Variants in KCNH5 observed in about 807,000 individuals in gnomAD.
KCNH5 encodes the protein potassium voltage-gated channel subfamily H member 5.
A neutral mutation model predicts 96.1 loss-of-function variants in KCNH5; 46 were observed. The observed-to-expected ratio is 0.48, with a 90% CI of 0.38 to 0.61. KCNH5 has a LOEUF of 0.61. Ranked by LOEUF, KCNH5 falls within the 20% of genes least tolerant of loss-of-function variation. The pLI is 0.00. For synonymous variants in KCNH5, 439 were observed against 449.8 expected, an observed-to-expected ratio of 0.98 and a Z score of 0.30; for missense variants, 907 against 1,225.8, an observed-to-expected ratio of 0.74 and a Z score of 3.88.
chr14:63,033,022 G>C (rs1950987), intron 1 of KCNH5, among the ~76,000 whole-genome samples: 2 of 151,700 alleles, frequency 1.3e-5, no homozygotes, highest in Non-Finnish European at 2.9e-5. Flanking sequence ...TCCTAATAAT[G>C]CTACCAACAA....
intron 7 of KCNH5, among the ~76,000 whole-genome samples, chr14:62,853,481 C>CATATATATATATATATATATATATG (rs1306077655): frequency 2.4e-5 from 1 of 41,314 alleles, no homozygotes; most frequent in Non-Finnish European, 4.7e-5. Flanking sequence ...ATATATATAT[C>CATATATATATATATATATATATATG]ATATATATAT....
intron 6 of KCNH5, among the ~76,000 whole-genome samples, chr14:62,963,402 T>C (rs1008679064): frequency 6.6e-6 from 1 of 151,842 alleles, no homozygotes; most frequent in African/African-American, 2.4e-5. Flanking sequence ...GAGAGAGAGA[T>C]GTATTGTGAG....
chr14:62,974,012 G>A (rs1202817324), intron 6 of KCNH5, among the ~76,000 whole-genome samples: 1 of 152,074 alleles, frequency 6.6e-6, no homozygotes, highest in African/African-American at 2.4e-5. Flanking sequence ...AATTATACAG[G>A]ATAAAGTGAA....
At chr14:62,786,408 A>G (rs928067442) in intron 9 of KCNH5, among the ~76,000 whole-genome samples, 1 of 152,118 alleles carries the variant, frequency 6.6e-6, no homozygotes, top group African/African-American at 2.4e-5. Context: ...GTTTTATTGT[A>G]TATACTTGAG....
intron 8 of KCNH5, among the ~76,000 whole-genome samples, chr14:62,832,599 C>T (rs73274740): frequency 3.0e-3 from 460 of 152,118 alleles, no homozygotes; most frequent in African/African-American, 0.011. Context: ...ATTTTGAGTT[C>T]GATTCTTTTG....
chr14:62,706,064 T>G lies in KCNH5; in HGVS notation c.*1444A>C, dbSNP rs1323151509. ...ATAAGTTCTCCTGGGTTCTTACAAG[T>G]GAATGTGTATTTTATTCTCAATCCT... On this transcript the variant is annotated 3_prime_UTR_variant, in exon 11 of 11. Coordinates refer to ENST00000322893, the MANE Select transcript of KCNH5 (RefSeq NM_139318.5). 2 of 152,100 alleles carry G rather than the reference T, an allele frequency of 1.3e-5. No individual in the cohort carries two copies. The highest frequency in any genetic ancestry group is 2.9e-5 in the Non-Finnish European group (2 of 67,962). 9.4% of individuals were successfully genotyped at this position (152,100 alleles called of 1,614,324 possible). A position where few individuals can be genotyped will look rare whatever the true frequency, so the allele number is the denominator to read the frequency against.
chr14:62,778,134 A>G (rs1307467846), intron 10 of KCNH5, among the ~76,000 whole-genome samples: 1 of 152,174 alleles, frequency 6.6e-6, no homozygotes, highest in African/African-American at 2.4e-5. Context: ...AGATTTTAAA[A>G]TGCACATTTT....
At chr14:62,834,425 A>G (rs141995787) in intron 8 of KCNH5, among the ~76,000 whole-genome samples, 2 of 152,054 alleles carry the variant, frequency 1.3e-5, no homozygotes, top group African/African-American at 4.8e-5. Context: ...TGAACAAAAG[A>G]TACAAAACTC....
intron 2 of KCNH5, among the ~76,000 whole-genome samples, chr14:63,007,589 T>A (rs1251937171): frequency 6.6e-6 from 1 of 152,170 alleles, no homozygotes; most frequent in African/African-American, 2.4e-5. Flanking sequence ...TTTTTAAAGA[T>A]GCTAAAACCA....
Position 62,981,181 on chromosome 14 carries a change from A to G in KCNH5, c.633T>C (p.Cys211=), listed in dbSNP as rs1446542818. 6.2e-7 allele frequency: 1 copy of G among 1,614,172 alleles called. No homozygotes were observed. The highest frequency in any genetic ancestry group is 1.3e-5 in the African/African-American group (1 of 75,060). Residue 211 remains cysteine (C), a synonymous_variant, in exon 6 of 11, where the codon TGT becomes TGC. Coordinates refer to ENST00000322893, the MANE Select transcript of KCNH5 (RefSeq NM_139318.5). ...CCCAATCCCAAGTAGTTTTAAAAGC[A>G]CAATAATGTAAAATAATGTGTGGTG... The part of the protein sequence containing the change: ...KTPPHIILHY[C]AFKTTWDWVI...
intron 9 of KCNH5, among the ~76,000 whole-genome samples, chr14:62,782,040 G>A (rs984075046): frequency 1.3e-5 from 2 of 152,156 alleles, no homozygotes; most frequent in African/African-American, 2.4e-5. Flanking sequence ...CACAATCCAC[G>A]TTCTTCTGCC....
At chr14:62,962,326 T>G (rs138907316) in intron 6 of KCNH5, among the ~76,000 whole-genome samples, 1 of 152,292 alleles carries the variant, frequency 6.6e-6, no homozygotes, top group African/African-American at 2.4e-5. Flanking sequence ...ATGCAGACCC[T>G]AATCCAGATA....
At chr14:62,718,547 A>T (rs1439988186) in intron 10 of KCNH5, among the ~76,000 whole-genome samples, 2 of 152,178 alleles carry the variant, frequency 1.3e-5, no homozygotes, top group African/African-American at 4.8e-5. Context: ...TGTAGTAAAA[A>T]ACACAGAAAA....
At chr14:62,710,807 TG>T (rs1272540971) in intron 10 of KCNH5, among the ~76,000 whole-genome samples, 3 of 152,212 alleles carry the variant, frequency 2.0e-5, no homozygotes, top group Non-Finnish European at 2.9e-5. Context: ...GTGCAATATT[TG>T]GGACATACTA....
chr14:62,726,268 A>G (rs995106800), intron 10 of KCNH5, among the ~76,000 whole-genome samples: 6 of 152,208 alleles, frequency 3.9e-5, no homozygotes, highest in African/African-American at 7.2e-5. Flanking sequence ...ATCACACAAA[A>G]GTGGTAACCA....
intron 1 of KCNH5, among the ~76,000 whole-genome samples, chr14:63,023,655 T>C (rs1209957490): frequency 6.6e-6 from 1 of 152,154 alleles, no homozygotes; most frequent in Non-Finnish European, 1.5e-5. Context: ...GTAAAATACA[T>C]ATTCTTCTCA....
intron 7 of KCNH5, among the ~76,000 whole-genome samples, chr14:62,936,403 A>C (rs1889680588): frequency 6.6e-6 from 1 of 152,152 alleles, no homozygotes; most frequent in Non-Finnish European, 1.5e-5. Context: ...GCTCAGGTGC[A>C]GTGGCTCACA....
chr14:63,017,314 G>T (rs1260298597), intron 1 of KCNH5, among the ~76,000 whole-genome samples: 3 of 151,776 alleles, frequency 2.0e-5, no homozygotes, highest in African/African-American at 7.3e-5. Context: ...TTAGGGCTAT[G>T]GTCACTTCCC....
At chr14:62,976,275 C>T (rs963765616) in intron 6 of KCNH5, among the ~76,000 whole-genome samples, 8 of 151,544 alleles carry the variant, frequency 5.3e-5, no homozygotes, top group African/African-American at 1.7e-4. Flanking sequence ...ATGGTGGCAG[C>T]GCCTGTAGTC....
Sources: gnomAD v4.1 joint callset for allele counts (sites outside exome capture counted in the v4.1 genomes callset) on GRCh38, gnomAD v4.1.1 for gene constraint, MANE v1.5 for transcripts, NCBI Gene and HGNC (gene_info 2026-07-23, HGNC 2026-07-21) for gene names.